Variants in TMEM132C observed in about 807,000 individuals in gnomAD.
TMEM132C encodes transmembrane protein 132C.
In TMEM132C, 29 loss-of-function variants were observed where a neutral mutation model predicts 61.4. The observed-to-expected ratio is 0.47, with a 90% CI of 0.35 to 0.64. The LOEUF (loss-of-function observed/expected upper bound fraction) is 0.64, where lower values mean the gene tolerates loss of function less well. Ranked by LOEUF, TMEM132C falls within the 30% of genes least tolerant of loss-of-function variation. The pLI is 0.00. For synonymous variants in TMEM132C, 656 were observed against 633.1 expected (o/e 1.04, Z -0.54); for missense variants, 1,408 against 1,476.9 (o/e 0.95, Z 0.76).
At chr12:128,692,077 A>G (rs1954724531) in intron 5 of TMEM132C, among the ~76,000 whole-genome samples, 1 of 149,280 alleles carries the variant, frequency 6.7e-6, no homozygotes, top group East Asian at 1.9e-4. Context: ...TCACCTGTCC[A>G]TCCATCCGTT....
At chr12:128,316,152 C>T (rs1318719296) in intron 1 of TMEM132C, among the ~76,000 whole-genome samples, 3 of 151,958 alleles carry the variant, frequency 2.0e-5, no homozygotes, top group Non-Finnish European at 4.4e-5. Context: ...TCTTACATAG[C>T]GTAAGAAGGC....
intron 2 of TMEM132C, among the ~76,000 whole-genome samples, chr12:128,497,961 C>T (rs1427366921): frequency 6.6e-6 from 1 of 151,688 alleles, no homozygotes; most frequent in African/African-American, 2.4e-5. Flanking sequence ...ATTCGGCCAT[C>T]TTGGAACCAC....
chr12:128,285,659 C>T (rs1871031938), intron 1 of TMEM132C, among the ~76,000 whole-genome samples: 1 of 149,322 alleles, frequency 6.7e-6, no homozygotes, highest in Admixed American at 6.6e-5. Context: ...CTCTCTCTCC[C>T]TCTCCCTCCC....
intron 2 of TMEM132C, among the ~76,000 whole-genome samples, chr12:128,488,211 T>C (rs997790953): frequency 6.6e-6 from 1 of 152,236 alleles, no homozygotes; most frequent in Non-Finnish European, 1.5e-5. Flanking sequence ...TAGTTGTTAA[T>C]GTGAACAGTG....
intron 1 of TMEM132C, among the ~76,000 whole-genome samples, chr12:128,303,358 G>A (rs999152348): frequency 6.6e-6 from 1 of 152,166 alleles, no homozygotes; most frequent in African/African-American, 2.4e-5. Context: ...TATGGGGCAA[G>A]TTCAGAAGCA....
chr12:128,546,816 T>C (rs966143819), intron 3 of TMEM132C, among the ~76,000 whole-genome samples: 2 of 152,182 alleles, frequency 1.3e-5, no homozygotes, highest in African/African-American at 4.8e-5. Context: ...ATCAAAACCT[T>C]CACTTAATCA....
intron 2 of TMEM132C, among the ~76,000 whole-genome samples, chr12:128,478,816 T>C (rs764548159): frequency 5.9e-5 from 9 of 152,210 alleles, no homozygotes; most frequent in African/African-American, 1.9e-4. Context: ...CAACGACTTA[T>C]GCCAAGAGAT....
chr12:128,399,411 T>G (rs946565005), intron 1 of TMEM132C, among the ~76,000 whole-genome samples: 3 of 152,218 alleles, frequency 2.0e-5, no homozygotes, highest in African/African-American at 7.2e-5. Context: ...CCTCTCTCTT[T>G]CAATAGATAC....
intron 3 of TMEM132C, among the ~76,000 whole-genome samples, chr12:128,593,055 T>C (rs1487611977): frequency 7.0e-6 from 1 of 143,620 alleles, no homozygotes; most frequent in African/African-American, 2.5e-5. Flanking sequence ...TCTCTCTGTC[T>C]TCTCTTTCTT....
Position 128,271,269 on chromosome 12 carries a change from T to A in TMEM132C, c.85+3782T>A, listed in dbSNP as rs1399742994. Among the ~76,000 whole-genome samples the A allele has an allele frequency of 5.8e-3, 92 of 15,748 alleles. 1 individual carries two copies. Among genetic ancestry groups the A allele is most frequent in the South Asian group, 0.011 (10 of 948 alleles). The allele number at this position is 15,748 out of a possible 152,430, so 10.3% of individuals were successfully genotyped here. A position where few individuals can be genotyped will look rare whatever the true frequency, so the allele number is the denominator to read the frequency against. On this transcript the variant is annotated intron_variant, in intron 1 of 8. Coordinates refer to ENST00000435159, the MANE Select transcript of TMEM132C (RefSeq NM_001136103.3). ...ACTTGGTCTCAAAATAATAATAATA[T>A]AATAATAATAATAATAATAATAATA...
At chr12:128,561,041 A>C (rs1351708917) in intron 3 of TMEM132C, among the ~76,000 whole-genome samples, 1 of 152,218 alleles carries the variant, frequency 6.6e-6, no homozygotes, top group African/African-American at 2.4e-5. Context: ...ATGCAAGCAA[A>C]AACCAAAGCT....
At chr12:128,669,680 C>A in intron 5 of TMEM132C, 120 bp downstream of exon 5, 1 of 1,242,308 alleles carries the variant, frequency 8.0e-7, no homozygotes, top group Non-Finnish European at 1.1e-6. Context: ...TTATGTGCAA[C>A]ACACTTCCAG....
chr12:128,687,422 T>C (rs1468431194), intron 5 of TMEM132C, among the ~76,000 whole-genome samples: 1 of 152,034 alleles, frequency 6.6e-6, no homozygotes, highest in African/African-American at 2.4e-5. Flanking sequence ...TTTATCACAA[T>C]CAAGATGCCC....
intron 2 of TMEM132C, among the ~76,000 whole-genome samples, chr12:128,436,359 G>T (rs61940011): frequency 0.12 from 18,791 of 152,148 alleles, 1,196 homozygotes; most frequent in South Asian, 0.14. Flanking sequence ...AGCATGAACA[G>T]GCAACCTACA....
Position 128,337,462 on chromosome 12 carries a change from C to T in TMEM132C, c.85+69975C>T, listed in dbSNP as rs78043373. 7.4e-3 allele frequency among the ~76,000 whole-genome samples: 1,134 copies of T among 152,244 alleles called. 16 individuals carry two copies. Among genetic ancestry groups the T allele is most frequent in the African/African-American group, 0.026 (1,072 of 41,524 alleles). On this transcript the variant is annotated intron_variant, in intron 1 of 8. Transcript: ENST00000435159. Reference sequence around the variant, plus strand: ...GATTTTTCCAAGGAGGACTTGTGATCGCATTCCTACCTTTTTCTGATTTCG... The same window carrying T: ...GATTTTTCCAAGGAGGACTTGTGATTGCATTCCTACCTTTTTCTGATTTCG...
chr12:128,272,144 G>A (rs1399763189), intron 1 of TMEM132C, among the ~76,000 whole-genome samples: 4 of 152,162 alleles, frequency 2.6e-5, no homozygotes, highest in Non-Finnish European at 4.4e-5. Context: ...GGTATAGAAC[G>A]TGCCCATTAC....
intron 1 of TMEM132C, among the ~76,000 whole-genome samples, chr12:128,377,450 A>G (rs933129420): frequency 1.3e-5 from 2 of 152,180 alleles, no homozygotes; most frequent in African/African-American, 4.8e-5. Context: ...CTATTGCACC[A>G]CTGTCAGGTG....
In TMEM132C at chr12:128,290,243, A is replaced by C. The variant is rs78725603; in HGVS notation, c.85+22756A>C. On this transcript the variant is annotated intron_variant, in intron 1 of 8. Coordinates refer to ENST00000435159, the MANE Select transcript of TMEM132C (RefSeq NM_001136103.3). ...AAGGAAAGAGGTTTGGTTGACTCAC[A>C]GTTCTGCAGGCTTAATAGAAAGCAT... Among the ~76,000 whole-genome samples, 319 of 152,290 alleles carry C rather than the reference A, an allele frequency of 2.1e-3. 6 individuals carry two copies. The East Asian group carries it at 0.05, about 24-fold the overall frequency.
chr12:128,444,684 G>T (rs1869913051), intron 2 of TMEM132C, among the ~76,000 whole-genome samples: 1 of 152,174 alleles, frequency 6.6e-6, no homozygotes. Flanking sequence ...GTCTTCTTTG[G>T]CTAAAGATAG....
Sources: gnomAD v4.1 joint callset for allele counts (sites outside exome capture counted in the v4.1 genomes callset) on GRCh38, gnomAD v4.1.1 for gene constraint, MANE v1.5 for transcripts, NCBI Gene and HGNC (gene_info 2026-07-23, HGNC 2026-07-21) for gene names.